The following SVIL variants were observed in gnomAD, a reference collection of about 807,000 sequenced individuals.
The protein encoded by SVIL is archvillin.
Under a neutral mutation model 240.4 loss-of-function variants are expected in SVIL, and 101 were observed. That is an observed-to-expected ratio of 0.42 (90% CI 0.36 to 0.50). The LOEUF (loss-of-function observed/expected upper bound fraction) is 0.50. Ranked by LOEUF, SVIL falls within the 20% of genes least tolerant of loss-of-function variation. The probability of loss-of-function intolerance (pLI) is 0.01; values close to 1 mark genes in which losing one functional copy is unlikely to be tolerated. For missense variants in SVIL, 2,512 were observed against 2,818.7 expected (o/e 0.89, Z 2.46); for synonymous variants, 999 against 1,100.0 (o/e 0.91, Z 1.82).
rs1589266438 is a variant in SVIL, at chr10:29,563,270, C to A, written c.-120G>T. 3 of 985,696 alleles carry A rather than the reference C, an allele frequency of 3.0e-6. No individual in the cohort carries two copies. The African/African-American group carries it at 5.2e-5, about 17-fold the overall frequency. 61.1% of individuals were successfully genotyped at this position (985,696 alleles called of 1,614,324 possible). On this transcript the variant is annotated 5_prime_UTR_variant, in exon 3 of 38. Transcript: ENST00000355867. ...TGGTTAGCGAGCTGTTCTTTATCTT[C>A]GAGTGAGAACTCCTTCTGAAAGCTA...
intron 1 of SVIL, among the ~76,000 whole-genome samples, chr10:29,710,025 G>C (rs1187942379): frequency 1.3e-5 from 2 of 152,024 alleles, no homozygotes; most frequent in African/African-American, 4.8e-5. Flanking sequence ...CCTAGAGGGA[G>C]GGGCTGCTCA....
chr10:29,724,411 T>C (rs2132702423), intron 1 of SVIL, among the ~76,000 whole-genome samples: 1 of 129,960 alleles, frequency 7.7e-6, no homozygotes, highest in African/African-American at 3.0e-5. Context: ...ACACAGATGT[T>C]GGGTTTATAC....
chr10:29,643,969 C>T (rs765865137), intron 3 of SVIL: 3 of 518,192 alleles, frequency 5.8e-6, no homozygotes, highest in East Asian at 1.1e-4. Flanking sequence ...CAGCCTCTCA[C>T]ACGGCTGGAG....
chr10:29,463,812 C>T (rs1235712921), intron 34 of SVIL, among the ~76,000 whole-genome samples, 177 bp from the exon 35 acceptor site: 1 of 152,206 alleles, frequency 6.6e-6, no homozygotes, highest in Admixed American at 6.5e-5. Flanking sequence ...GATACCCCAG[C>T]CCTTTGACAG....
intron 1 of SVIL, among the ~76,000 whole-genome samples, chr10:29,591,993 G>A (rs913313806): frequency 2.0e-5 from 3 of 152,244 alleles, no homozygotes; most frequent in Admixed American, 6.5e-5. Context: ...GCTCATGCCT[G>A]TAATCCCAGC....
In SVIL at chr10:29,482,028, T is replaced by C. The variant is rs1052667917; in HGVS notation, c.4956-300A>G. Among the ~76,000 whole-genome samples, 9 of 50,390 alleles carry C rather than the reference T, an allele frequency of 1.8e-4. No homozygotes were observed. The South Asian group carries it at 4.5e-3, about 25-fold the overall frequency. The allele number at this position is 50,390 out of a possible 152,430, so 33.1% of individuals were successfully genotyped here. On this transcript the variant is annotated intron_variant, in intron 27 of 37. Coordinates refer to ENST00000355867, the MANE Select transcript of SVIL (RefSeq NM_021738.3). ...AGCAAGTTCTTTTCTTTTCTTTTTT[T>C]TTTTTTTTTTTTTTTTTAGAGATAA...
Position 29,533,223 on chromosome 10 carries a change from G to T in SVIL, c.1144C>A (p.Pro382Thr), listed in dbSNP as rs781540434. Reference protein sequence around the residue: ...DTGHTAKLVTPETPENASECS... With the variant: ...DTGHTAKLVTTETPENASECS... ...TCAGATGCATTTTCTGGGGTTTCTG[G>T]CGTCACTAGCTTGGCGGTGTGACCG... The change falls in exon 8 of 38, where the codon CCA (proline) becomes ACA (threonine). Residue 382 changes from proline to threonine, a missense_variant. Physicochemically the swap from Pro to Thr is conservative, Grantham distance 38 (BLOSUM62 -1). This residue lies in a region of SVIL where 1,443 missense variants were observed against 1,486.6 expected (regional missense o/e 0.97). Transcript: ENST00000355867. 13 of 1,614,084 alleles carry T rather than the reference G, an allele frequency of 8.1e-6. No homozygotes were observed. Among genetic ancestry groups the T allele is most frequent in the Non-Finnish European group, 9.3e-6 (11 of 1,180,022 alleles).
In SVIL at chr10:29,675,827, G is replaced by A. The variant is rs569092182; in HGVS notation, c.-301+10726C>T. Among the ~76,000 whole-genome samples, 874 of 152,272 alleles carry A rather than the reference G, an allele frequency of 5.7e-3. 1 individual carries two copies. Among genetic ancestry groups the A allele is most frequent in the Non-Finnish European group, 9.2e-3 (623 of 68,028 alleles). ...TGCTACATGACTGATCAGTCCAATT[G>A]CCCATAGAACTGATGTTTATGGTTT... On this transcript the variant is annotated intron_variant, in intron 2 of 35. Transcript: ENST00000375400.
intron 1 of SVIL, chr10:29,602,485 T>A: frequency 4.1e-6 from 1 of 246,810 alleles, no homozygotes; most frequent in South Asian, 4.3e-5. Flanking sequence ...AAGTGTTCAC[T>A]GCCAGAATGA....
chr10:29,514,484 C>T (rs1283902645), intron 16 of SVIL, among the ~76,000 whole-genome samples: 5 of 152,164 alleles, frequency 3.3e-5, no homozygotes, highest in Non-Finnish European at 5.9e-5. Context: ...TCAAGCAATT[C>T]TTCCATGTCA....
intron 1 of SVIL, among the ~76,000 whole-genome samples, chr10:29,617,552 G>A (rs2132896681): frequency 6.7e-6 from 1 of 148,734 alleles, no homozygotes; most frequent in East Asian, 2.0e-4. Flanking sequence ...CTGCACTCCA[G>A]CCTGGGCGAA....
At position 29,501,922 on chromosome 10, in the gene SVIL, G is replaced by T. The variant is rs1948928759; in HGVS notation, c.3517-2659C>A. ...GTCAACTCTGTGGTGAATTCTCTCA[G>T]GCATCTCAACAGTCCAGGGTGGGGT... On this transcript the variant is annotated intron_variant, in intron 17 of 37. Transcript: ENST00000355867. Among the ~76,000 whole-genome samples, 3 of 152,246 alleles carry T rather than the reference G, an allele frequency of 2.0e-5. No homozygotes were observed. The South Asian group carries it at 6.2e-4, about 32-fold the overall frequency.
intron 29 of SVIL, among the ~76,000 whole-genome samples, chr10:29,478,149 C>T (rs903593948): frequency 6.6e-6 from 1 of 152,000 alleles, no homozygotes; most frequent in Non-Finnish European, 1.5e-5. Context: ...CTGCCTGCCC[C>T]GAAACACACT....
intron 1 of SVIL, among the ~76,000 whole-genome samples, chr10:29,717,846 A>C (rs1013582380): frequency 1.3e-5 from 2 of 152,194 alleles, no homozygotes; most frequent in Non-Finnish European, 2.9e-5. Flanking sequence ...AATTTTATAA[A>C]AGCTAAATAT....
chr10:29,585,674 C>CAT, intron 1 of SVIL, among the ~76,000 whole-genome samples: 1 of 152,140 alleles, frequency 6.6e-6, no homozygotes, highest in East Asian at 1.9e-4. Flanking sequence ...CACACACACA[C>CAT]ACTCTGAATC....
At chr10:29,617,315 C>T (rs1189687689) in intron 1 of SVIL, among the ~76,000 whole-genome samples, 1 of 152,042 alleles carries the variant, frequency 6.6e-6, no homozygotes, top group Non-Finnish European at 1.5e-5. Context: ...ATTTGCAGGC[C>T]CCTGGTCATT....
intron 1 of SVIL, among the ~76,000 whole-genome samples, chr10:29,591,501 GCT>G (rs1457438165): frequency 6.6e-6 from 1 of 152,126 alleles, no homozygotes; most frequent in Non-Finnish European, 1.5e-5. Context: ...AAAAGTAATA[GCT>G]CTCTCTATAA....
intron 7 of SVIL, among the ~76,000 whole-genome samples, 192 bp downstream of exon 7, chr10:29,535,797 G>A (rs112741881): frequency 6.6e-6 from 1 of 152,336 alleles, no homozygotes; most frequent in South Asian, 2.1e-4. Context: ...GAGGGGGAAG[G>A]AGAGATACTA....
At chr10:29,507,814 C>G (rs1043174680) in intron 17 of SVIL, 4 of 984,498 alleles carry the variant, frequency 4.1e-6, no homozygotes, top group African/African-American at 1.7e-5. Flanking sequence ...TATACAGGTT[C>G]CTACAGAGCA....
Sources: gnomAD v4.1 joint callset for allele counts (sites outside exome capture counted in the v4.1 genomes callset) on GRCh38, gnomAD v4.1.1 for gene constraint, gnomAD v4.1.1 regional missense constraint, MANE v1.5 for transcripts, NCBI Gene and HGNC (gene_info 2026-07-23, HGNC 2026-07-21) for gene names.